LRRIQ1: variants seen among roughly 807,000 people sequenced by gnomAD.
The protein encoded by LRRIQ1 is leucine-rich repeat- and IQ domain-containing protein 1.
A neutral mutation model predicts 211.9 loss-of-function variants in LRRIQ1; 210 were observed. The observed-to-expected ratio is 0.99, with a 90% CI of 0.89 to 1.11. The LOEUF (loss-of-function observed/expected upper bound fraction) is 1.11. LRRIQ1 is among the 50% of genes most tolerant of loss of function. The pLI, the probability that LRRIQ1 is intolerant of heterozygous loss-of-function variation, is 0.00. For synonymous variants in LRRIQ1, 699 were observed against 650.1 expected (o/e 1.08, Z -1.14); for missense variants, 2,136 against 1,939.5 (o/e 1.10, Z -1.90).
chr12:85,251,232 G>A (rs1003707694), intron 1 of LRRIQ1, among the ~76,000 whole-genome samples: 1 of 150,788 alleles, frequency 6.6e-6, no homozygotes, highest in Non-Finnish European at 1.5e-5. Context: ...AAAAGCATAA[G>A]GACTGAAATT....
intron 24 of LRRIQ1, among the ~76,000 whole-genome samples, chr12:85,228,526 A>G (rs1894779753): frequency 6.6e-6 from 1 of 152,170 alleles, no homozygotes; most frequent in South Asian, 2.1e-4. Flanking sequence ...TACCCAAAGC[A>G]TCCAGATTTT....
At chr12:85,046,412 T>G (rs2135919350) in intron 5 of LRRIQ1, among the ~76,000 whole-genome samples, 1 of 152,298 alleles carries the variant, frequency 6.6e-6, no homozygotes, top group Non-Finnish European at 1.5e-5. Context: ...TAACTATCTC[T>G]TAATGACACA....
chr12:85,067,439 A>C (rs1485103123), intron 10 of LRRIQ1, among the ~76,000 whole-genome samples: 4 of 151,866 alleles, frequency 2.6e-5, no homozygotes, highest in Non-Finnish European at 5.9e-5. Flanking sequence ...TATATCTTAT[A>C]ATTTGTATAG....
rs369843710 is a variant in LRRIQ1, at chr12:85,083,564, C to T, written c.2887+10466C>T. Among the ~76,000 whole-genome samples, 222 of 151,952 alleles carry T rather than the reference C, an allele frequency of 1.5e-3. 5 individuals are homozygous for T. In the South Asian group the frequency reaches 0.045, roughly 31 times the overall value. On this transcript the variant is annotated intron_variant, in intron 11 of 26. Coordinates refer to ENST00000393217, the MANE Select transcript of LRRIQ1 (RefSeq NM_001079910.2). ...AAGTGATTCTCCTGCCTCAGCCTCCCGAGTAGCTGGGATTACAGGCATGTG... is the reference window on the plus strand; with the variant it reads ...AAGTGATTCTCCTGCCTCAGCCTCCTGAGTAGCTGGGATTACAGGCATGTG...
chr12:85,056,005 A>T lies in LRRIQ1; in HGVS notation c.1212A>T (p.Gly404=). The change falls in exon 8 of 27, where the codon GGA becomes GGT. Residue 404 remains glycine, a synonymous_variant. Coordinates refer to ENST00000393217, the MANE Select transcript of LRRIQ1 (RefSeq NM_001079910.2). The stretch of plus-strand genomic sequence containing the variant: ...TAAGTAGTGCATTAAAGAAGAGCGG[A>T]TATAATAACAAACATTTAAGTCTTG... ...LIISSALKKS[G]YNNKHLSLED... is the part of the protein sequence containing the mutation. 1 of 1,608,154 alleles carries T rather than the reference A, an allele frequency of 6.2e-7. No individual in the cohort carries two copies. The highest frequency in any genetic ancestry group is 8.5e-7 in the Non-Finnish European group (1 of 1,178,040).
At chr12:85,242,423 G>A (rs1833094958) in intron 26 of LRRIQ1, among the ~76,000 whole-genome samples, 1 of 151,800 alleles carries the variant, frequency 6.6e-6, no homozygotes, top group South Asian at 2.1e-4. Context: ...AAGTAATCTA[G>A]AGATTATTTA....
intron 15 of LRRIQ1, among the ~76,000 whole-genome samples, chr12:85,115,625 A>G (rs1887516453): frequency 6.6e-6 from 1 of 152,152 alleles, no homozygotes; most frequent in Non-Finnish European, 1.5e-5. Context: ...GAAATATTGG[A>G]TGTAATATTT....
At chr12:85,089,468 A>C (rs1360053985) in intron 11 of LRRIQ1, among the ~76,000 whole-genome samples, 1 of 152,238 alleles carries the variant, frequency 6.6e-6, no homozygotes. Flanking sequence ...AAATGCTGAT[A>C]GTGATATGGA....
downstream of LRRIQ1, among the ~76,000 whole-genome samples, chr12:85,245,490 T>C (rs1037200038): frequency 1.4e-5 from 2 of 144,272 alleles, no homozygotes; most frequent in African/African-American, 2.8e-5. Flanking sequence ...TATACATATA[T>C]ATTAAATATA....
downstream of LRRIQ1, among the ~76,000 whole-genome samples, chr12:85,265,675 G>GT (rs1368399490): frequency 6.6e-6 from 1 of 151,904 alleles, no homozygotes; most frequent in Non-Finnish European, 1.5e-5. Context: ...GAGATAAAGT[G>GT]TAAGTGTAAA....
At chr12:85,236,711 GA>G (rs1040399857) in intron 26 of LRRIQ1, among the ~76,000 whole-genome samples, 2 of 149,886 alleles carry the variant, frequency 1.3e-5, no homozygotes, top group African/African-American at 2.5e-5. Flanking sequence ...GTTCTTGGAG[GA>G]AAAAAAGATA....
chr12:85,213,681 A>G (rs1319439420), intron 24 of LRRIQ1, among the ~76,000 whole-genome samples: 1 of 152,030 alleles, frequency 6.6e-6, no homozygotes, highest in Non-Finnish European at 1.5e-5. Context: ...AATAATACCA[A>G]TGTAACTAGA....
At chr12:85,205,067 G>C (rs1893476923) in intron 24 of LRRIQ1, among the ~76,000 whole-genome samples, 1 of 152,042 alleles carries the variant, frequency 6.6e-6, no homozygotes. Flanking sequence ...CTTGGTAGTG[G>C]ATAAGTCTCA....
chr12:85,129,796 A>C lies in LRRIQ1; in HGVS notation c.4209+1763A>C, dbSNP rs559744357. Among the ~76,000 whole-genome samples, 16 of 152,316 alleles carry C rather than the reference A, an allele frequency of 1.1e-4. No homozygotes were observed. The South Asian group carries it at 1.2e-3, about 12-fold the overall frequency. On this transcript the variant is annotated intron_variant, in intron 18 of 26. Transcript: ENST00000393217. ...GGAAAGACACTGGTGGAATTTGAAC[A>C]GTGGATTGACGTGGTCGAGTTTACT...
In LRRIQ1 at chr12:85,244,793, G is replaced by A. The variant is rs758366425; in HGVS notation, c.5021G>A (p.Arg1674Lys). The change falls in exon 27 of 27, where the codon AGA becomes AAA. Residue 1674 changes from arginine to lysine, a missense_variant. Coordinates refer to ENST00000393217, the MANE Select transcript of LRRIQ1 (RefSeq NM_001079910.2). ...LNGGRVQLVA[R>K]LVSREDTDLD... is the part of the protein sequence containing the mutation. ...ATTCTCTTCCATTGCTCCCAGGCAA[G>A]ACTTGTAAGCAGAGAAGACACGGAT... 6.2e-6 allele frequency: 10 copies of A among 1,610,896 alleles called. No individual in the cohort carries two copies. Among genetic ancestry groups the A allele is most frequent in the Non-Finnish European group, 8.5e-6 (10 of 1,177,832 alleles).
intron 24 of LRRIQ1, among the ~76,000 whole-genome samples, chr12:85,201,348 A>G (rs1379967156): frequency 2.0e-5 from 3 of 150,892 alleles, no homozygotes; most frequent in Non-Finnish European, 4.4e-5. Flanking sequence ...ATTTTTTTCA[A>G]ATAGTTTCAA....
intron 24 of LRRIQ1, among the ~76,000 whole-genome samples, chr12:85,195,812 G>C (rs1892873508): frequency 6.6e-6 from 1 of 152,114 alleles, no homozygotes; most frequent in South Asian, 2.1e-4. Flanking sequence ...CGTAGTGTTG[G>C]AAATTCTGAC....
intron 15 of LRRIQ1, among the ~76,000 whole-genome samples, chr12:85,111,811 C>G (rs1887193281): frequency 6.6e-6 from 1 of 151,792 alleles, no homozygotes; most frequent in Non-Finnish European, 1.5e-5. Flanking sequence ...TTATTAGAGT[C>G]CAGGAATTAT....
rs1284974694 is a variant in LRRIQ1 at position 85,221,266 on chromosome 12, A to C, written c.4823-8251A>C. The stretch of plus-strand genomic sequence containing the variant: ...GCACAGATTTGTCCACATGCTAAAA[A>C]CATCCAAATTCTAGTTCTACTTTTC... On this transcript the variant is annotated intron_variant, in intron 24 of 26. Transcript: ENST00000393217. 2.0e-5 allele frequency among the ~76,000 whole-genome samples: 3 copies of C among 152,178 alleles called. No homozygotes were observed. In the East Asian group the frequency reaches 5.8e-4, roughly 29 times the overall value.
Sources: gnomAD v4.1 joint callset for allele counts (sites outside exome capture counted in the v4.1 genomes callset) on GRCh38, gnomAD v4.1.1 for gene constraint, MANE v1.5 for transcripts, NCBI Gene and HGNC (gene_info 2026-07-23, HGNC 2026-07-21) for gene names.